Variants in ADCY2 observed in about 807,000 individuals in gnomAD.
ADCY2 encodes adenylate cyclase type 2.
In ADCY2, 31 loss-of-function variants were observed where a neutral mutation model predicts 125.2. That is an observed-to-expected ratio of 0.25 (90% confidence interval 0.19 to 0.33). ADCY2 has a LOEUF of 0.33. Ranked by LOEUF, ADCY2 falls within the 10% of genes least tolerant of loss-of-function variation. ADCY2 has a pLI of 1.00. For synonymous variants in ADCY2, 512 were observed against 548.4 expected (o/e 0.93, Z 0.93); for missense variants, 904 against 1,418.2 (o/e 0.64, Z 5.82).
chr5:7,783,080 T>C (rs1038501501), intron 18 of ADCY2, among the ~76,000 whole-genome samples: 1 of 152,186 alleles, frequency 6.6e-6, no homozygotes, highest in Non-Finnish European at 1.5e-5. Flanking sequence ...TCTAAGCCCA[T>C]AAGCCACTGG....
At chr5:7,418,610 G>T (rs1245730392) in intron 2 of ADCY2, among the ~76,000 whole-genome samples, 1 of 149,148 alleles carries the variant, frequency 6.7e-6, no homozygotes, top group Non-Finnish European at 1.5e-5. Flanking sequence ...TGGGAATGGG[G>T]GTTTAAAATG....
rs951091963 is a variant in ADCY2, at chr5:7,414,617, C to T, written c.255C>T (p.Ala85=). 1 of 1,613,294 alleles carries T rather than the reference C, an allele frequency of 6.2e-7. No individual in the cohort carries two copies. The highest frequency in any genetic ancestry group is 8.5e-7 in the Non-Finnish European group (1 of 1,179,748). ...CGTTTCTAATAACAGTTCCAACTGC[C>T]CTGGCGATTTTCTTTGCGATATTTA... The part of the protein sequence containing the change: ...HVAFLITVPT[A]LAIFFAIFIL... Residue 85 remains alanine, a synonymous_variant, in exon 2 of 25, where the codon GCC becomes GCT. Coordinates refer to ENST00000338316, the MANE Select transcript of ADCY2 (RefSeq NM_020546.3).
At chr5:7,820,814 T>G in intron 24 of ADCY2, 125 bp downstream of exon 24, 1 of 1,276,172 alleles carries the variant, frequency 7.8e-7, no homozygotes, top group Non-Finnish European at 1.0e-6. Context: ...TGAAATTTAC[T>G]TATCTTTTGG....
chr5:7,741,161 C>T (rs1207874562), intron 14 of ADCY2, among the ~76,000 whole-genome samples: 20 of 151,702 alleles, frequency 1.3e-4, no homozygotes, highest in Non-Finnish European at 1.3e-4. Context: ...AGATAATTTT[C>T]TAGGAAAATC....
chr5:7,670,621 G>A (rs561423951), intron 4 of ADCY2, among the ~76,000 whole-genome samples: 3 of 152,256 alleles, frequency 2.0e-5, no homozygotes, highest in East Asian at 1.9e-4. Flanking sequence ...CACCAGGGAC[G>A]GGTTTTGTAG....
At chr5:7,605,994 C>T (rs1737362252) in intron 3 of ADCY2, among the ~76,000 whole-genome samples, 1 of 133,904 alleles carries the variant, frequency 7.5e-6, no homozygotes, top group Non-Finnish European at 1.6e-5. Context: ...CCATCAATAC[C>T]TAATTTATTG....
At chr5:7,478,521 G>C (rs1387610516) in intron 2 of ADCY2, among the ~76,000 whole-genome samples, 2 of 152,044 alleles carry the variant, frequency 1.3e-5, no homozygotes, top group African/African-American at 4.8e-5. Flanking sequence ...TTGTATCTTT[G>C]CTGTTTAATA....
chr5:7,421,814 C>A (rs939933014), intron 2 of ADCY2, among the ~76,000 whole-genome samples: 1 of 152,162 alleles, frequency 6.6e-6, no homozygotes, highest in Non-Finnish European at 1.5e-5. Context: ...AGTTTTGAGG[C>A]TTTTATCAGG....
chr5:7,574,029 C>A (rs1327715253), intron 3 of ADCY2, among the ~76,000 whole-genome samples: 1 of 118,340 alleles, frequency 8.5e-6, no homozygotes, highest in Non-Finnish European at 1.8e-5. Flanking sequence ...TTTGTTCTTG[C>A]GATAGTTTAC....
chr5:7,564,871 A>G (rs1735839684), intron 3 of ADCY2, among the ~76,000 whole-genome samples: 1 of 152,212 alleles, frequency 6.6e-6, no homozygotes, highest in Non-Finnish European at 1.5e-5. Flanking sequence ...GCCTAATGGT[A>G]TACAAGACTA....
rs1745501798 is a variant in ADCY2, at chr5:7,826,979, T to C, written c.*108T>C. Reference sequence around the variant, plus strand: ...TTTGATGTGCGTGCTGTCTGTCCTATGGAGCCTCTGCAGACTCGTTCTCGT... The same window carrying C: ...TTTGATGTGCGTGCTGTCTGTCCTACGGAGCCTCTGCAGACTCGTTCTCGT... On this transcript the variant is annotated 3_prime_UTR_variant, in exon 25 of 25. Transcript: ENST00000338316. The C allele has an allele frequency of 1.5e-6, 2 of 1,362,930 alleles. No homozygotes were observed. The highest frequency in any genetic ancestry group is 2.0e-6 in the Non-Finnish European group (2 of 1,002,670). 84.4% of individuals were successfully genotyped at this position (1,362,930 alleles called of 1,614,324 possible). A position where few individuals can be genotyped will look rare whatever the true frequency, so the allele number is the denominator to read the frequency against.
intron 2 of ADCY2, among the ~76,000 whole-genome samples, chr5:7,439,769 T>C (rs900482156): frequency 6.6e-6 from 1 of 151,768 alleles, no homozygotes; most frequent in African/African-American, 2.4e-5. Context: ...TGTGGAAGAG[T>C]CCAGGGCACT....
In ADCY2 at chr5:7,626,275, A is replaced by C. The variant is rs909098249; in HGVS notation, c.679A>C (p.Ile227Leu). 2 of 1,614,034 alleles carry C rather than the reference A, an allele frequency of 1.2e-6. No homozygotes were observed. The highest frequency in any genetic ancestry group is 1.7e-6 in the Non-Finnish European group (2 of 1,179,996). Residue 227 changes from isoleucine to leucine, a missense_variant, in exon 4 of 25, where the codon ATC (isoleucine) becomes CTC (leucine). Physicochemically the swap from Ile to Leu is conservative, Grantham distance 5. Transcript: ENST00000338316. ...QQTYQDTCNC[I>L]KSRIKLEFEK... is the part of the protein sequence containing the mutation. Reference sequence around the variant, plus strand: ...AACATATCAGGACACCTGTAATTGCATCAAGTCGCGGATCAAGTTGGAATT... The same window carrying C: ...AACATATCAGGACACCTGTAATTGCCTCAAGTCGCGGATCAAGTTGGAATT...
chr5:7,425,506 G>A (rs1214252251), intron 2 of ADCY2, among the ~76,000 whole-genome samples: 1 of 152,268 alleles, frequency 6.6e-6, no homozygotes, highest in African/African-American at 2.4e-5. Flanking sequence ...CTGCTGGAAT[G>A]TAAGAGAGTG....
At chr5:7,558,035 G>T (rs1349244115) in intron 3 of ADCY2, among the ~76,000 whole-genome samples, 3 of 150,218 alleles carry the variant, frequency 2.0e-5, no homozygotes, top group African/African-American at 4.9e-5. Flanking sequence ...CTGTTGTTTT[G>T]TTTTGTTTTG....
intron 2 of ADCY2, among the ~76,000 whole-genome samples, chr5:7,463,497 G>C (rs1013029858): frequency 6.6e-6 from 1 of 151,860 alleles, no homozygotes; most frequent in African/African-American, 2.4e-5. Flanking sequence ...TTTGCTGTTG[G>C]GGCTCAGATG....
rs1262732012 is a variant in ADCY2, at chr5:7,396,263, G to A, written c.-34G>A. ...GCGGCGAGCGGCGCTGCCCGGGCCG[G>A]GCGCGCACGGCGGGCGCCCTGTGAG... On this transcript the variant is annotated 5_prime_UTR_variant, in exon 1 of 25. Coordinates refer to ENST00000338316, the MANE Select transcript of ADCY2 (RefSeq NM_020546.3). This position sits in a 1 kb window ranked among gnomAD's most constrained non-coding sequence, Gnocchi z 5.7. 1 of 1,079,434 alleles carries A rather than the reference G, an allele frequency of 9.3e-7. No homozygotes were observed. Among genetic ancestry groups the A allele is most frequent in the Non-Finnish European group, 1.1e-6 (1 of 889,534 alleles). The allele number at this position is 1,079,434 out of a possible 1,614,324, so 66.9% of individuals were successfully genotyped here. A position where few individuals can be genotyped will look rare whatever the true frequency, so the allele number is the denominator to read the frequency against.
chr5:7,557,135 T>TTATATA (rs60652060), intron 3 of ADCY2, among the ~76,000 whole-genome samples: 1,792 of 77,526 alleles, frequency 0.023, 51 homozygotes, highest in African/African-American at 0.057. Context: ...CAAAAACAGT[T>TTATATA]TATATATATA....
chr5:7,566,065 C>T (rs1488150820), intron 3 of ADCY2, among the ~76,000 whole-genome samples: 3 of 152,118 alleles, frequency 2.0e-5, no homozygotes, highest in Admixed American at 6.5e-5. Flanking sequence ...GCAAGGGAAA[C>T]GGCTACACAG....
Sources: gnomAD v4.1 joint callset for allele counts (sites outside exome capture counted in the v4.1 genomes callset) on GRCh38, gnomAD v4.1.1 for gene constraint, Gnocchi (gnomAD v3.1) non-coding constraint, MANE v1.5 for transcripts, NCBI Gene and HGNC (gene_info 2026-07-23, HGNC 2026-07-21) for gene names.